Variants in PTPN4 observed in about 807,000 individuals in gnomAD.
The protein encoded by PTPN4 is tyrosine-protein phosphatase non-receptor type 4.
Under a neutral mutation model 135.5 loss-of-function variants are expected in PTPN4, and 49 were observed. The ratio of observed to expected loss-of-function variants is 0.36; its 90% confidence interval spans 0.29 to 0.46. PTPN4 has a LOEUF of 0.46. PTPN4 is among the 20% of genes least tolerant of loss of function. The pLI, the probability that PTPN4 is intolerant of heterozygous loss-of-function variation, is 1.00. For synonymous variants in PTPN4, 333 were observed against 369.9 expected, an observed-to-expected ratio of 0.90 and a Z score of 1.14; for missense variants, 860 against 1,101.0, an observed-to-expected ratio of 0.78 and a Z score of 3.10.
chr2:119,826,651 A>C (rs555945184), intron 2 of PTPN4, among the ~76,000 whole-genome samples: 2 of 152,346 alleles, frequency 1.3e-5, no homozygotes, highest in East Asian at 3.9e-4. Context: ...TGATCCTAAT[A>C]CAAAATATTG....
Position 119,882,621 on chromosome 2 carries a change from CAT to C in PTPN4, c.586_587del (p.Ile196ArgfsTer10). The C allele has an allele frequency of 6.6e-7, 1 of 1,515,726 alleles. No homozygotes were observed. The highest frequency in any genetic ancestry group is 8.9e-7 in the Non-Finnish European group (1 of 1,118,782). 93.9% of individuals were successfully genotyped at this position (1,515,726 alleles called of 1,614,324 possible). A position where few individuals can be genotyped will look rare whatever the true frequency, so the allele number is the denominator to read the frequency against. ...KEIAKLHQQH[I>X]GLSPAEAEFN... ...AAATTGCAAAATTACATCAGCAACACATGTAAGAGTTTTTTAGTTTTTTATTT... is the reference window on the plus strand; with the variant it reads ...AAATTGCAAAATTACATCAGCAACACGTAAGAGTTTTTTAGTTTTTTATTT... On this transcript the variant is annotated frameshift_variant and splice_region_variant, in exon 8 of 27. Coordinates refer to ENST00000263708, the MANE Select transcript of PTPN4 (RefSeq NM_002830.4). LOFTEE classifies it high-confidence loss of function.
At chr2:119,767,797 A>G (rs998522671) in intron 1 of PTPN4, among the ~76,000 whole-genome samples, 1 of 152,254 alleles carries the variant, frequency 6.6e-6, no homozygotes, top group African/African-American at 2.4e-5. Flanking sequence ...GTACATCACT[A>G]AGAGACGTGC....
chr2:119,961,453 TC>T (rs755726966), intron 23 of PTPN4, among the ~76,000 whole-genome samples: 20 of 152,204 alleles, frequency 1.3e-4, no homozygotes, highest in Non-Finnish European at 2.6e-4. Context: ...AACAGAACCC[TC>T]CTATTGTGGG....
intron 1 of PTPN4, among the ~76,000 whole-genome samples, chr2:119,782,999 CT>C (rs5833802): frequency 0.027 from 3,999 of 146,238 alleles, 158 homozygotes; most frequent in African/African-American, 0.09. Flanking sequence ...GCTGAAATCC[CT>C]TTTTTTTTTT....
At chr2:119,976,078 C>T (rs984859971) in intron 26 of PTPN4, among the ~76,000 whole-genome samples, 2 of 150,246 alleles carry the variant, frequency 1.3e-5, no homozygotes, top group African/African-American at 4.9e-5. Context: ...TCACTGCAAG[C>T]TCCGCCTCCC....
chr2:119,877,204 C>A, intron 3 of PTPN4, 119 bp from the exon 4 acceptor site: 1 of 1,052,536 alleles, frequency 9.5e-7, no homozygotes, highest in Non-Finnish European at 1.4e-6. Flanking sequence ...TTTTTCCTAC[C>A]TGGGCCTTTT....
At position 119,965,665 on chromosome 2, in the gene PTPN4, T is replaced by C. The variant is rs777831381; in HGVS notation, c.2558+20T>C. The C allele has an allele frequency of 6.2e-7, 1 of 1,608,682 alleles. No homozygotes were observed. The highest frequency in any genetic ancestry group is 1.7e-5 in the Admixed American group (1 of 59,426). ...TTGCAGGTACTCTGTTTTCCGTCTT[T>C]TATGAGTGTATAGCTGAACAGATAC... On this transcript the variant is annotated intron_variant, in intron 25 of 26. Coordinates refer to ENST00000263708, the MANE Select transcript of PTPN4 (RefSeq NM_002830.4).
chr2:119,825,620 C>T (rs919076933), intron 2 of PTPN4, among the ~76,000 whole-genome samples: 2 of 151,842 alleles, frequency 1.3e-5, no homozygotes, highest in Non-Finnish European at 2.9e-5. Context: ...CTCAGCCTCC[C>T]GAGTAGCTAG....
At chr2:119,903,602 A>G (rs1044540087) in intron 10 of PTPN4, among the ~76,000 whole-genome samples, 19 of 151,738 alleles carry the variant, frequency 1.3e-4, no homozygotes, top group African/African-American at 4.4e-4. Context: ...GGGCTCAATA[A>G]TGGACCTACC....
At chr2:119,810,413 C>G (rs1691556399) in intron 2 of PTPN4, among the ~76,000 whole-genome samples, 1 of 152,182 alleles carries the variant, frequency 6.6e-6, no homozygotes, top group Admixed American at 6.5e-5. Flanking sequence ...ATTTATTTAA[C>G]AAATATTTGT....
chr2:119,917,790 G>C (rs1210312053), intron 11 of PTPN4, among the ~76,000 whole-genome samples: 2 of 152,032 alleles, frequency 1.3e-5, no homozygotes, highest in Non-Finnish European at 2.9e-5. Flanking sequence ...GCAAAAGGTG[G>C]CCTTGTTAAT....
At chr2:119,854,670 T>C (rs1456557274) in intron 2 of PTPN4, among the ~76,000 whole-genome samples, 1 of 152,136 alleles carries the variant, frequency 6.6e-6, no homozygotes, top group Non-Finnish European at 1.5e-5. Flanking sequence ...ACAATTTGAG[T>C]TATAGTATTG....
chr2:119,857,601 GA>G (rs1298128614), intron 2 of PTPN4, among the ~76,000 whole-genome samples: 2 of 150,362 alleles, frequency 1.3e-5, no homozygotes, highest in African/African-American at 4.9e-5. Context: ...AAACCTTACC[GA>G]GGACTCCTTA....
intron 1 of PTPN4, among the ~76,000 whole-genome samples, chr2:119,806,830 A>G (rs971626206): frequency 6.6e-6 from 1 of 152,200 alleles, no homozygotes; most frequent in African/African-American, 2.4e-5. Context: ...AGTTGGAAGT[A>G]AAGCACTCCT....
At chr2:119,793,477 A>G (rs567365783) in intron 1 of PTPN4, among the ~76,000 whole-genome samples, 3 of 152,312 alleles carry the variant, frequency 2.0e-5, no homozygotes, top group South Asian at 2.1e-4. Flanking sequence ...AGTTAATGCA[A>G]TCATCACAGG....
rs1444969320 is a variant in PTPN4 at position 119,769,877 on chromosome 2, T to C, written c.-18+9493T>C. On this transcript the variant is annotated intron_variant, in intron 1 of 26. Transcript: ENST00000263708. The stretch of plus-strand genomic sequence containing the variant: ...TAAATGCCATCTTTTGGTAGGTCTT[T>C]GGAGTAATCCAAGGGTCATTGTTTA... Among the ~76,000 whole-genome samples, 4 of 152,248 alleles carry C rather than the reference T, an allele frequency of 2.6e-5. No homozygotes were observed. In the East Asian group the frequency reaches 7.7e-4, roughly 29 times the overall value.
intron 1 of PTPN4, among the ~76,000 whole-genome samples, chr2:119,790,111 A>G (rs1451265256): frequency 6.6e-6 from 1 of 152,024 alleles, no homozygotes. Context: ...TTTACTGATG[A>G]TTTTTTATGG....
chr2:119,956,133 C>G (rs1285692695), intron 20 of PTPN4, among the ~76,000 whole-genome samples: 1 of 151,382 alleles, frequency 6.6e-6, no homozygotes, highest in East Asian at 1.9e-4. Flanking sequence ...TAGAATGCTT[C>G]TTCAGTGCTT....
intron 14 of PTPN4, among the ~76,000 whole-genome samples, chr2:119,934,299 CACAT>C (rs1027599469): frequency 6.6e-6 from 1 of 152,148 alleles, no homozygotes; most frequent in Middle Eastern, 3.4e-3. Flanking sequence ...AAATGTCTGA[CACAT>C]ACATAAATAC....
Sources: gnomAD v4.1 joint callset for allele counts (sites outside exome capture counted in the v4.1 genomes callset) on GRCh38, gnomAD v4.1.1 for gene constraint, MANE v1.5 for transcripts, NCBI Gene and HGNC (gene_info 2026-07-23, HGNC 2026-07-21) for gene names.